FBXO42: variants seen among roughly 807,000 people sequenced by gnomAD.
The protein encoded by FBXO42 is F-box protein 42.
FBXO42 carries 12 observed loss-of-function variants against 71.7 expected under a neutral mutation model. That is an observed-to-expected ratio of 0.17 (90% confidence interval 0.11 to 0.27). The LOEUF (loss-of-function observed/expected upper bound fraction) is 0.27, where lower values mean the gene tolerates loss of function less well. Among genes scored for constraint, FBXO42 ranks in the 10% least tolerant of loss-of-function variants. The probability of loss-of-function intolerance (pLI) is 1.00; values close to 1 mark genes in which losing one functional copy is unlikely to be tolerated. For missense variants in FBXO42, 707 were observed against 911.9 expected, an observed-to-expected ratio of 0.78 and a Z score of 2.89; for synonymous variants, 325 against 327.5, an observed-to-expected ratio of 0.99 and a Z score of 0.08.
intron 3 of FBXO42, among the ~76,000 whole-genome samples, chr1:16,302,459 A>G (rs2082204934): frequency 6.6e-6 from 1 of 152,202 alleles, no homozygotes; most frequent in Non-Finnish European, 1.5e-5. Context: ...GCAAAGGAGA[A>G]TCAAGCAACT....
intron 1 of FBXO42, among the ~76,000 whole-genome samples, chr1:16,351,377 C>T (rs1199944523): frequency 6.6e-6 from 1 of 152,176 alleles, no homozygotes; most frequent in Non-Finnish European, 1.5e-5. Context: ...CAACTGCCAG[C>T]AAGTAAAACT....
chr1:16,308,432 A>G (rs994204368), intron 2 of FBXO42, among the ~76,000 whole-genome samples: 1 of 152,002 alleles, frequency 6.6e-6, no homozygotes, highest in African/African-American at 2.4e-5. Flanking sequence ...GTAGTGCACA[A>G]TGATCCCACT....
intron 4 of FBXO42, among the ~76,000 whole-genome samples, chr1:16,281,232 G>A (rs2081960402): frequency 6.6e-6 from 1 of 152,210 alleles, no homozygotes; most frequent in African/African-American, 2.4e-5. Flanking sequence ...AAAGTGCTGG[G>A]ATTACAGGCG....
chr1:16,273,682 C>A (rs2081868858), intron 4 of FBXO42, among the ~76,000 whole-genome samples: 1 of 151,834 alleles, frequency 6.6e-6, no homozygotes, highest in Non-Finnish European at 1.5e-5. Context: ...GAGTTCAAGA[C>A]CAGCCTGGGC....
At chr1:16,292,001 T>G (rs1484770213) in intron 4 of FBXO42, among the ~76,000 whole-genome samples, 3 of 152,176 alleles carry the variant, frequency 2.0e-5, no homozygotes, top group Non-Finnish European at 4.4e-5. Context: ...TTGTTTTTTA[T>G]AAGTAGACAT....
chr1:16,289,933 C>T (rs1311753545), intron 4 of FBXO42, among the ~76,000 whole-genome samples: 7 of 152,128 alleles, frequency 4.6e-5, no homozygotes, highest in African/African-American at 1.7e-4. Flanking sequence ...GAGCTCTCCC[C>T]TTATTCTATA....
chr1:16,268,533 CAAGG>C (rs1372952915), intron 4 of FBXO42, among the ~76,000 whole-genome samples: 4 of 152,182 alleles, frequency 2.6e-5, no homozygotes, highest in Admixed American at 2.0e-4. Context: ...CTACAGGAAA[CAAGG>C]AAGAACCACC....
intron 1 of FBXO42, among the ~76,000 whole-genome samples, chr1:16,336,927 G>A (rs2082558020): frequency 2.0e-5 from 3 of 152,140 alleles, no homozygotes; most frequent in South Asian, 4.1e-4. Flanking sequence ...GGAGGTTGTG[G>A]TAAGCAGAGA....
intron 3 of FBXO42, among the ~76,000 whole-genome samples, chr1:16,299,364 G>C (rs187094481): frequency 5.9e-4 from 90 of 152,226 alleles, no homozygotes; most frequent in African/African-American, 2.1e-3. Flanking sequence ...GGGGCCCTGA[G>C]GTCCTTACCA....
At chr1:16,255,903 A>G in intron 5 of FBXO42, 82 bp from the exon 6 acceptor site, 1 of 913,654 alleles carries the variant, frequency 1.1e-6, no homozygotes, top group Non-Finnish European at 1.7e-6. Flanking sequence ...TCCATTTAAA[A>G]TGATAATCCT....
intron 4 of FBXO42, among the ~76,000 whole-genome samples, chr1:16,289,995 C>A (rs2082062051): frequency 6.6e-6 from 1 of 152,166 alleles, no homozygotes; most frequent in South Asian, 2.1e-4. Flanking sequence ...TTACTTGCTT[C>A]TTGTTTCTTT....
intron 1 of FBXO42, among the ~76,000 whole-genome samples, chr1:16,343,715 T>C (rs1379858604): frequency 6.6e-6 from 1 of 151,384 alleles, no homozygotes; most frequent in East Asian, 1.9e-4. Context: ...CCCAGCTACT[T>C]GGGAGGCTGA....
At chr1:16,347,986 C>G (rs1179549473) in intron 1 of FBXO42, among the ~76,000 whole-genome samples, 1 of 144,912 alleles carries the variant, frequency 6.9e-6, no homozygotes, top group African/African-American at 2.6e-5. Context: ...ACCCGAGACT[C>G]CGTCTCAAAA....
At position 16,313,374 on chromosome 1, in the gene FBXO42, G is replaced by A. The variant is rs555395787; in HGVS notation, c.250+1795C>T. On this transcript the variant is annotated intron_variant, in intron 2 of 9. Coordinates refer to ENST00000375592, the MANE Select transcript of FBXO42 (RefSeq NM_018994.3). Reference sequence around the variant, plus strand: ...AAAGAAAGAAAGAAAGAAAGAAAGAGAAAAGAAAGAAAACCAAAATAAGAC... The same window carrying A: ...AAAGAAAGAAAGAAAGAAAGAAAGAAAAAAGAAAGAAAACCAAAATAAGAC... Among the ~76,000 whole-genome samples the A allele has an allele frequency of 7.5e-3, 1,054 of 139,636 alleles. 8 individuals carry two copies. Among genetic ancestry groups the A allele is most frequent in the African/African-American group, 0.029 (1,006 of 34,996 alleles). 91.6% of individuals were successfully genotyped at this position (139,636 alleles called of 152,430 possible). A position where few individuals can be genotyped will look rare whatever the true frequency, so the allele number is the denominator to read the frequency against.
intron 4 of FBXO42, among the ~76,000 whole-genome samples, chr1:16,263,735 CA>C (rs140519776): frequency 7.4e-6 from 1 of 134,446 alleles, no homozygotes; most frequent in African/African-American, 2.8e-5. Context: ...AGGAAAAAAA[CA>C]AAAAAAAACC....
chr1:16,323,229 C>T (rs1178551378), intron 1 of FBXO42, among the ~76,000 whole-genome samples: 1 of 150,764 alleles, frequency 6.6e-6, no homozygotes, highest in Non-Finnish European at 1.5e-5. Flanking sequence ...CCAGCCTGGC[C>T]AACATGGTGA....
chr1:16,281,750 G>T (rs191549553), intron 4 of FBXO42, among the ~76,000 whole-genome samples: 1 of 150,512 alleles, frequency 6.6e-6, no homozygotes, highest in Admixed American at 6.7e-5. Flanking sequence ...TCCACCTCCC[G>T]GGTTCAAGCG....
Position 16,256,724 on chromosome 1 carries a change from C to T in FBXO42, c.538G>A (p.Val180Ile), listed in dbSNP as rs1007654316. 1.9e-6 allele frequency: 3 copies of T among 1,614,018 alleles called. No homozygotes were observed. The highest frequency in any genetic ancestry group is 1.3e-5 in the African/African-American group (1 of 74,904). Residue 180 changes from valine (V) to isoleucine (I), a missense_variant, in exon 5 of 10, where the codon GTC (valine) becomes ATC (isoleucine). Transcript: ENST00000375592. ...AGCACTAGCAAGTCCTTGTACACGA[C>T]CAGAGTTGCTCCAGCTTTGGGGGAA... ...YPSPKAGATLVVYKDLLVLFG... is the reference protein window; with the variant it reads ...YPSPKAGATLIVYKDLLVLFG...
At chr1:16,322,031 G>A (rs1389919856) in intron 1 of FBXO42, among the ~76,000 whole-genome samples, 1 of 152,030 alleles carries the variant, frequency 6.6e-6, no homozygotes, top group East Asian at 1.9e-4. Flanking sequence ...TTAGTCAGGC[G>A]TGGTGGCAGG....
Sources: gnomAD v4.1 joint callset for allele counts (sites outside exome capture counted in the v4.1 genomes callset) on GRCh38, gnomAD v4.1.1 for gene constraint, MANE v1.5 for transcripts, NCBI Gene and HGNC (gene_info 2026-07-23, HGNC 2026-07-21) for gene names.